The following PHACTR2 variants were observed in gnomAD, a reference collection of about 807,000 sequenced individuals.
PHACTR2 encodes phosphatase and actin regulator 2.
A neutral mutation model predicts 76.0 loss-of-function variants in PHACTR2; 30 were observed. The ratio of observed to expected loss-of-function variants is 0.39; its 90% CI spans 0.30 to 0.54. The LOEUF is 0.54. Ranked by LOEUF, PHACTR2 falls within the 20% of genes least tolerant of loss-of-function variation. The probability of loss-of-function intolerance (pLI) is 0.61; values close to 1 mark genes in which losing one functional copy is unlikely to be tolerated. For missense variants in PHACTR2, 696 were observed against 781.1 expected (o/e 0.89, Z 1.30); for synonymous variants, 292 against 292.5 (o/e 1.00, Z 0.02).
At position 143,825,498 on chromosome 6, in the gene PHACTR2, T is replaced by C. The variant is rs1299765878; in HGVS notation, c.*1809T>C. ...CTAGAGTCTGTTGTCATTTCACTAA[T>C]AGGATAAGACAAATTTTTTGCTTTG... On this transcript the variant is annotated 3_prime_UTR_variant, in exon 13 of 13. Transcript: ENST00000440869. This position sits in a 1 kb window ranked among gnomAD's most constrained non-coding sequence, Gnocchi z 4.1. 6 of 152,200 alleles carry C rather than the reference T, an allele frequency of 3.9e-5. No individual in the cohort carries two copies. In the South Asian group the frequency reaches 1.0e-3, roughly 26 times the overall value. 9.4% of individuals were successfully genotyped at this position (152,200 alleles called of 1,614,324 possible).
rs751679360 is a variant in PHACTR2, at chr6:143,765,382, G to A, written c.816G>A (p.Val272=). The A allele has an allele frequency of 1.9e-5, 30 of 1,614,102 alleles. No individual in the cohort carries two copies. The Admixed American group carries it at 2.2e-4, about 12-fold the overall frequency. Residue 272 remains valine (V), a synonymous_variant, in exon 6 of 13, where the codon GTG becomes GTA. Coordinates refer to ENST00000440869, the MANE Select transcript of PHACTR2 (RefSeq NM_001100164.2). This position sits in a 1 kb window ranked among gnomAD's most constrained non-coding sequence, Gnocchi z 4.1. ...CAGTTTCTAGCAAAGCAGGGACAGTGGGGACCACCAAGGGCAAGAGAAAAA... is the reference window on the plus strand; with the variant it reads ...CAGTTTCTAGCAAAGCAGGGACAGTAGGGACCACCAAGGGCAAGAGAAAAA... ...KETVSSKAGT[V]GTTKGKRKTD...
intron 11 of PHACTR2, among the ~76,000 whole-genome samples, chr6:143,792,671 G>A (rs910248761): frequency 6.6e-6 from 1 of 152,176 alleles, no homozygotes; most frequent in Non-Finnish European, 1.5e-5. Context: ...GAGGCTCCAA[G>A]ATAACCTCTC....
Position 143,678,353 on chromosome 6 carries a change from G to A in PHACTR2, c.46+144G>A. ...CGGAGAAACCCCAGAGGTAGCGCTC[G>A]CCAAACTCTTTGTCGTGAAAGAGGA... On this transcript the variant is annotated intron_variant, in intron 1 of 12. Coordinates refer to ENST00000440869, the MANE Select transcript of PHACTR2 (RefSeq NM_001100164.2). The surrounding 1 kb of genome is among the most constrained non-coding windows in gnomAD (Gnocchi z 6.2). The A allele has an allele frequency of 1.4e-6, 1 of 689,658 alleles. No individual in the cohort carries two copies. Among genetic ancestry groups the A allele is most frequent in the Non-Finnish European group, 2.2e-6 (1 of 465,004 alleles). The allele number at this position is 689,658 out of a possible 1,614,324, so 42.7% of individuals were successfully genotyped here. A position where few individuals can be genotyped will look rare whatever the true frequency, so the allele number is the denominator to read the frequency against.
chr6:143,590,882 TC>T (rs1250526975), intron 1 of PHACTR2, among the ~76,000 whole-genome samples: 1 of 152,020 alleles, frequency 6.6e-6, no homozygotes, highest in Non-Finnish European at 1.5e-5. Flanking sequence ...CCATTCCCTA[TC>T]CCAATGACAA....
chr6:143,597,703 G>C lies in PHACTR2; in HGVS notation c.217+60496G>C, dbSNP rs1775769708. On this transcript the variant is annotated intron_variant, in intron 1 of 11. Transcript: ENST00000367584. This position sits in a 1 kb window ranked among gnomAD's most constrained non-coding sequence, Gnocchi z 5.7. ...GTTTTTAAAGTCTTTATTCAGCATT[G>C]ACCTAAACACTTCTTCCTTTAAGCC... 6.6e-6 allele frequency among the ~76,000 whole-genome samples: 1 copy of C among 152,122 alleles called. No homozygotes were observed. Among genetic ancestry groups the C allele is most frequent in the Admixed American group, 6.5e-5 (1 of 15,280 alleles).
intron 1 of PHACTR2, among the ~76,000 whole-genome samples, chr6:143,567,505 T>C (rs1307627892): frequency 1.3e-5 from 2 of 152,212 alleles, no homozygotes; most frequent in Admixed American, 6.5e-5. Context: ...TTCAAGTGAT[T>C]CTTCTGTCTG....
chr6:143,681,198 G>A (rs1777381640), intron 1 of PHACTR2, among the ~76,000 whole-genome samples: 1 of 152,168 alleles, frequency 6.6e-6, no homozygotes, highest in South Asian at 2.1e-4. Flanking sequence ...TTCCAAAGAA[G>A]TTAGACCATT....
Position 143,755,100 on chromosome 6 carries a change from A to G in PHACTR2, c.454+1188A>G, listed in dbSNP as rs913702994. Among the ~76,000 whole-genome samples the G allele has an allele frequency of 1.3e-5, 2 of 152,230 alleles. No homozygotes were observed. The highest frequency in any genetic ancestry group is 2.9e-5 in the Non-Finnish European group (2 of 68,042). Reference sequence around the variant, plus strand: ...GAAATGTATTATTTTGCTTTATTTCAAGGGCTTTATCTAGCCTTGTTCCAT... The same window carrying G: ...GAAATGTATTATTTTGCTTTATTTCGAGGGCTTTATCTAGCCTTGTTCCAT... On this transcript the variant is annotated intron_variant, in intron 4 of 12. Coordinates refer to ENST00000440869, the MANE Select transcript of PHACTR2 (RefSeq NM_001100164.2). The surrounding 1 kb of genome is among the most constrained non-coding windows in gnomAD (Gnocchi z 5.2).
At position 143,774,476 on chromosome 6, in the gene PHACTR2, T is replaced by C. The variant is rs1472191535; in HGVS notation, c.1589+261T>C. ...AGACCAGTTGGCAAACATTTCAGGC[T>C]TTGCTGGCCAGACAGTCTCTGTTGC... is the stretch of plus-strand genomic sequence containing the variant. On this transcript the variant is annotated intron_variant, in intron 8 of 12. Transcript: ENST00000440869. This position sits in a 1 kb window ranked among gnomAD's most constrained non-coding sequence, Gnocchi z 5.4. Among the ~76,000 whole-genome samples, 1 of 152,216 alleles carries C rather than the reference T, an allele frequency of 6.6e-6. No homozygotes were observed. Among genetic ancestry groups the C allele is most frequent in the African/African-American group, 2.4e-5 (1 of 41,464 alleles).
At chr6:143,650,999 C>A (rs559184672) in intron 1 of PHACTR2, among the ~76,000 whole-genome samples, 3,589 of 146,548 alleles carry the variant, frequency 0.024, 57 homozygotes, top group South Asian at 0.052. Context: ...CCAAAAAAAA[C>A]AAACAACCCC....
intron 2 of PHACTR2, among the ~76,000 whole-genome samples, chr6:143,745,963 A>T (rs1779056406): frequency 6.6e-6 from 1 of 152,230 alleles, no homozygotes; most frequent in African/African-American, 2.4e-5. Flanking sequence ...GAAAGGGGGA[A>T]TTTTTAGCTG....
rs1376634321 is a variant in PHACTR2 at position 143,557,108 on chromosome 6, T to G, written c.217+19901T>G. On this transcript the variant is annotated intron_variant, in intron 1 of 11. Transcript: ENST00000367584. The surrounding 1 kb of genome is among the most constrained non-coding windows in gnomAD (Gnocchi z 5.5). ...AGAGGATTCACTTGGTTTGACAAAC[T>G]TTTCCCTTTGAAGAGTAAACACTTC... is the stretch of plus-strand genomic sequence containing the variant. Among the ~76,000 whole-genome samples the G allele has an allele frequency of 6.6e-6, 1 of 152,196 alleles. No individual in the cohort carries two copies. Among genetic ancestry groups the G allele is most frequent in the African/African-American group, 2.4e-5 (1 of 41,452 alleles).
rs1222772367 is a variant in PHACTR2, at chr6:143,764,215, T to C, written c.695-1046T>C. 6.6e-6 allele frequency among the ~76,000 whole-genome samples: 1 copy of C among 152,100 alleles called. No homozygotes were observed. Among genetic ancestry groups the C allele is most frequent in the Non-Finnish European group, 1.5e-5 (1 of 68,014 alleles). On this transcript the variant is annotated intron_variant, in intron 5 of 12. Transcript: ENST00000440869. This position sits in a 1 kb window ranked among gnomAD's most constrained non-coding sequence, Gnocchi z 4.7. The stretch of plus-strand genomic sequence containing the variant: ...AATGATATCCTTTCCATTCACATTA[T>C]TTAGAACCAGACACGGTGGCTCACA...
At chr6:143,668,377 T>C (rs1055673937) in intron 1 of PHACTR2, among the ~76,000 whole-genome samples, 1 of 152,186 alleles carries the variant, frequency 6.6e-6, no homozygotes, top group East Asian at 1.9e-4. Context: ...ATCAGGATGA[T>C]GTTGGCCTCA....
intron 1 of PHACTR2, among the ~76,000 whole-genome samples, chr6:143,573,931 T>C (rs958352578): frequency 1.3e-5 from 2 of 152,212 alleles, no homozygotes; most frequent in Non-Finnish European, 2.9e-5. Context: ...TATTATTGCA[T>C]AGCAAATTAC....
rs1036742532 is a variant in PHACTR2 at position 143,806,507 on chromosome 6, G to A, written c.1846-550G>A. On this transcript the variant is annotated intron_variant, in intron 11 of 12. Coordinates refer to ENST00000440869, the MANE Select transcript of PHACTR2 (RefSeq NM_001100164.2). The surrounding 1 kb of genome is among the most constrained non-coding windows in gnomAD (Gnocchi z 5.8). ...GACCTGCACTTTCCTTGTGGTCATC[G>A]TGGGTGGGGGATGTTCCGTGTGACT... Among the ~76,000 whole-genome samples, 4 of 152,158 alleles carry A rather than the reference G, an allele frequency of 2.6e-5. No individual in the cohort carries two copies. Among genetic ancestry groups the A allele is most frequent in the East Asian group, 1.9e-4 (1 of 5,202 alleles).
At chr6:143,665,835 C>T (rs534332888) in intron 1 of PHACTR2, among the ~76,000 whole-genome samples, 6 of 152,202 alleles carry the variant, frequency 3.9e-5, no homozygotes, top group African/African-American at 1.2e-4. Context: ...GTCATTGCAA[C>T]CTTATCGCAC....
Position 143,623,233 on chromosome 6 carries a change from AAG to A in PHACTR2, c.13+14913_13+14914del, listed in dbSNP as rs1461088220. ...AAAGCCAAATTACCTTCCCTAGAAAAAGAAATTATTTTCAAACTCCTAAAATG... is the reference window on the plus strand; with the variant it reads ...AAAGCCAAATTACCTTCCCTAGAAAAAAATTATTTTCAAACTCCTAAAATG... On this transcript the variant is annotated intron_variant, in intron 1 of 11. Transcript: ENST00000305766. The surrounding 1 kb of genome is among the most constrained non-coding windows in gnomAD (Gnocchi z 5.9). Among the ~76,000 whole-genome samples, 2 of 152,232 alleles carry A rather than the reference AAG, an allele frequency of 1.3e-5. No individual in the cohort carries two copies. The highest frequency in any genetic ancestry group is 1.5e-5 in the Non-Finnish European group (1 of 68,050).
At chr6:143,712,702 T>G (rs536762670) in intron 2 of PHACTR2, among the ~76,000 whole-genome samples, 1 of 152,338 alleles carries the variant, frequency 6.6e-6, no homozygotes, top group Admixed American at 6.5e-5. Flanking sequence ...AGGAAAGATT[T>G]TAGTGGCTAT....
Sources: gnomAD v4.1 joint callset for allele counts (sites outside exome capture counted in the v4.1 genomes callset) on GRCh38, gnomAD v4.1.1 for gene constraint, Gnocchi (gnomAD v3.1) non-coding constraint, MANE v1.5 for transcripts, NCBI Gene and HGNC (gene_info 2026-07-23, HGNC 2026-07-21) for gene names.